P4HA1: variants seen among roughly 807,000 people sequenced by gnomAD.
The protein encoded by P4HA1 is prolyl 4-hydroxylase subunit alpha-1.
P4HA1 carries 24 observed loss-of-function variants against 72.8 expected under a neutral mutation model. The observed-to-expected ratio is 0.33, with a 90% CI of 0.24 to 0.46. P4HA1 has a LOEUF of 0.46. Ranked by LOEUF, P4HA1 falls within the 20% of genes least tolerant of loss-of-function variation. The probability of loss-of-function intolerance (pLI) is 1.00; values close to 1 mark genes in which losing one functional copy is unlikely to be tolerated. For missense variants in P4HA1, 446 were observed against 640.6 expected (o/e 0.70, Z 3.28); for synonymous variants, 201 against 218.8 (o/e 0.92, Z 0.72).
chr10:73,085,832 A>G (rs1412349606), intron 1 of P4HA1, among the ~76,000 whole-genome samples: 1 of 152,222 alleles, frequency 6.6e-6, no homozygotes, highest in Non-Finnish European at 1.5e-5. Context: ...TGATGGCTAC[A>G]GTAAAAAATG....
At chr10:73,024,809 A>G (rs1289010142) in intron 10 of P4HA1, among the ~76,000 whole-genome samples, 1 of 152,238 alleles carries the variant, frequency 6.6e-6, no homozygotes, top group Non-Finnish European at 1.5e-5. Context: ...TAAAGGGGAT[A>G]TCACCACAGA....
chr10:73,072,296 T>C (rs1467579720), intron 3 of P4HA1, 116 bp from the exon 4 acceptor site: 1 of 759,162 alleles, frequency 1.3e-6, no homozygotes, highest in Middle Eastern at 2.6e-4. Flanking sequence ...ATATCTGTAG[T>C]TTCTTTTTAA....
chr10:73,055,969 G>A (rs1841138144), intron 5 of P4HA1, among the ~76,000 whole-genome samples: 1 of 152,200 alleles, frequency 6.6e-6, no homozygotes, highest in African/African-American at 2.4e-5. Context: ...AGAAGTTTGT[G>A]CTCCTGATGT....
At chr10:73,046,798 T>C (rs1015558534) in intron 8 of P4HA1, 127 bp downstream of exon 8, 2 of 712,954 alleles carry the variant, frequency 2.8e-6, no homozygotes, top group African/African-American at 3.6e-5. Context: ...AACTCCATTA[T>C]GCTGAGGCAA....
At position 73,013,392 on chromosome 10, in the gene P4HA1, TGAA is replaced by T. The variant is rs141373503; in HGVS notation, c.1368+829_1368+831del. 7.5e-3 allele frequency among the ~76,000 whole-genome samples: 1,135 copies of T among 152,316 alleles called. 19 individuals are homozygous for T. The highest frequency in any genetic ancestry group is 0.026 in the African/African-American group (1,092 of 41,558). On this transcript the variant is annotated intron_variant, in intron 12 of 14. Coordinates refer to ENST00000394890, the MANE Select transcript of P4HA1 (RefSeq NM_001017962.3). ...CTCTTGCAATCCAGTCACTATGCTG[TGAA>T]GAAGCTCAGCCACATGTATTGGCCA...
At chr10:73,044,303 T>TA (rs1840804904) in intron 9 of P4HA1, among the ~76,000 whole-genome samples, 1 of 152,182 alleles carries the variant, frequency 6.6e-6, no homozygotes, top group Non-Finnish European at 1.5e-5. Flanking sequence ...AAAAAAATAG[T>TA]AGACTCCTTA....
chr10:73,044,656 ATTT>A (rs1840811015), intron 9 of P4HA1, among the ~76,000 whole-genome samples: 1 of 152,146 alleles, frequency 6.6e-6, no homozygotes, highest in South Asian at 2.1e-4. Flanking sequence ...CTGCTGCTTT[ATTT>A]CCCCCTTTGG....
chr10:73,080,056 TACAGAG>T (rs1458329648), intron 1 of P4HA1, among the ~76,000 whole-genome samples: 4 of 152,326 alleles, frequency 2.6e-5, no homozygotes, highest in African/African-American at 9.6e-5. Flanking sequence ...GACAAAGTCA[TACAGAG>T]ACAAACAGTT....
At chr10:73,093,648 C>G (rs1842083046) in intron 1 of P4HA1, among the ~76,000 whole-genome samples, 1 of 151,144 alleles carries the variant, frequency 6.6e-6, no homozygotes, top group South Asian at 2.1e-4. Flanking sequence ...TCGAGACCAT[C>G]CTGGTTAACA....
intron 1 of P4HA1, among the ~76,000 whole-genome samples, chr10:73,078,504 A>C (rs180684029): frequency 2.5e-3 from 379 of 152,334 alleles, no homozygotes; most frequent in African/African-American, 8.7e-3. Context: ...AAAACGAAGA[A>C]AAATTAACAT....
intron 9 of P4HA1, among the ~76,000 whole-genome samples, chr10:73,038,341 C>A (rs1312022856): frequency 6.6e-6 from 1 of 151,878 alleles, no homozygotes; most frequent in Non-Finnish European, 1.5e-5. Context: ...TCATAAATAC[C>A]GTATTGTAGG....
chr10:73,034,933 AT>A (rs1182134421), intron 9 of P4HA1, among the ~76,000 whole-genome samples: 3 of 151,956 alleles, frequency 2.0e-5, no homozygotes, highest in African/African-American at 7.3e-5. Context: ...TCAGAAATTC[AT>A]TTCCTTTTTT....
At chr10:73,061,133 A>T (rs1841301531) in intron 5 of P4HA1, among the ~76,000 whole-genome samples, 1 of 152,252 alleles carries the variant, frequency 6.6e-6, no homozygotes, top group African/African-American at 2.4e-5. Flanking sequence ...GGAGAACTTT[A>T]TATGGAGGGA....
At chr10:73,092,248 G>A (rs1842045497) in intron 1 of P4HA1, among the ~76,000 whole-genome samples, 2 of 150,836 alleles carry the variant, frequency 1.3e-5, no homozygotes, top group Admixed American at 1.3e-4. Flanking sequence ...GCTATATCAT[G>A]TAATTTTTAT....
At chr10:73,080,525 T>C (rs552939252) in intron 1 of P4HA1, among the ~76,000 whole-genome samples, 3 of 152,376 alleles carry the variant, frequency 2.0e-5, no homozygotes, top group South Asian at 4.1e-4. Context: ...CTCTAGAGAA[T>C]GGTTCTCTAA....
intron 9 of P4HA1, among the ~76,000 whole-genome samples, chr10:73,030,723 A>T (rs1840414484): frequency 6.6e-6 from 1 of 152,186 alleles, no homozygotes; most frequent in Admixed American, 6.5e-5. Context: ...CTTTCCAGGT[A>T]AGGTATAGGA....
intron 14 of P4HA1, chr10:73,009,578 A>G (rs1839867726): frequency 2.2e-6 from 1 of 445,136 alleles, no homozygotes; most frequent in Non-Finnish European, 4.1e-6. Flanking sequence ...TTCAATTTTG[A>G]GTCAGTCATT....
chr10:73,063,175 A>AAATTTATT (rs1158943080), intron 5 of P4HA1, among the ~76,000 whole-genome samples: 1 of 152,004 alleles, frequency 6.6e-6, no homozygotes, highest in Non-Finnish European at 1.5e-5. Flanking sequence ...ATAAAAAAAC[A>AAATTTATT]AATTTATTTT....
Position 73,072,079 on chromosome 10 carries a change from T to C in P4HA1, c.275A>G (p.Asn92Ser). 1 of 1,613,436 alleles carries C rather than the reference T, an allele frequency of 6.2e-7. No individual in the cohort carries two copies. The highest frequency in any genetic ancestry group is 8.5e-7 in the Non-Finnish European group (1 of 1,179,404). Reference sequence around the variant, plus strand: ...ATTCTCCAACTCACTCCACTCAGTATTCAGACGTTTCATTAATTTGAATGC... The same window carrying C: ...ATTCTCCAACTCACTCCACTCAGTACTCAGACGTTTCATTAATTTGAATGC... ...VNAFKLMKRL[N>S]TEWSELENLV... The change falls in exon 4 of 15, where the codon AAT becomes AGT. Residue 92 changes from asparagine to serine, a missense_variant. Transcript: ENST00000394890.
Sources: allele counts gnomAD v4.1 joint callset (sites outside exome capture counted in the v4.1 genomes callset), GRCh38; gene constraint gnomAD v4.1.1; transcripts MANE v1.5; gene names NCBI Gene and HGNC (gene_info 2026-07-23, HGNC 2026-07-21).